The following CPE variants were observed in gnomAD, a reference collection of about 807,000 sequenced individuals.
The protein encoded by CPE is carboxypeptidase E.
A neutral mutation model predicts 53.5 loss-of-function variants in CPE; 17 were observed. The observed-to-expected ratio is 0.32, with a 90% confidence interval of 0.22 to 0.48. CPE has a LOEUF of 0.48. Among genes scored for constraint, CPE ranks in the 20% least tolerant of loss-of-function variants. The pLI, the probability that CPE is intolerant of heterozygous loss-of-function variation, is 0.99. For synonymous variants in CPE, 226 were observed against 228.8 expected, an observed-to-expected ratio of 0.99 and a Z score of 0.11; for missense variants, 524 against 614.7, an observed-to-expected ratio of 0.85 and a Z score of 1.56.
At chr4:165,451,559 T>C (rs934199395) in intron 1 of CPE, among the ~76,000 whole-genome samples, 1 of 152,186 alleles carries the variant, frequency 6.6e-6, no homozygotes, top group Non-Finnish European at 1.5e-5. Context: ...TGGTGCGATC[T>C]CTGTTCACTG....
intron 1 of CPE, among the ~76,000 whole-genome samples, chr4:165,403,751 C>T (rs1410201889): frequency 1.3e-5 from 2 of 151,704 alleles, no homozygotes; most frequent in Non-Finnish European, 2.9e-5. Context: ...CACCCCTGGC[C>T]ACCCTGGCCT....
intron 4 of CPE, among the ~76,000 whole-genome samples, chr4:165,483,847 G>T (rs1579282087): frequency 6.6e-6 from 1 of 152,152 alleles, no homozygotes; most frequent in Non-Finnish European, 1.5e-5. Context: ...TGGAAACTGA[G>T]TGTTGAAGAA....
chr4:165,448,992 C>T (rs1446531855), intron 1 of CPE, among the ~76,000 whole-genome samples: 7 of 152,190 alleles, frequency 4.6e-5, no homozygotes, highest in Admixed American at 2.0e-4. Flanking sequence ...ATCTGTAAAA[C>T]GCAGATGAAA....
At chr4:165,463,215 C>T (rs6536915) in intron 1 of CPE, among the ~76,000 whole-genome samples, 104,672 of 152,014 alleles carry the variant, frequency 0.69, 36,373 homozygotes, top group East Asian at 0.78. Context: ...AATAAAAATA[C>T]ATGCCTTACA....
intron 1 of CPE, among the ~76,000 whole-genome samples, chr4:165,419,017 T>C (rs997187934): frequency 6.6e-6 from 1 of 152,206 alleles, no homozygotes; most frequent in Admixed American, 6.5e-5. Context: ...TACATTTTAA[T>C]TCAGTACTAC....
chr4:165,419,713 C>T (rs2126672783), intron 1 of CPE, among the ~76,000 whole-genome samples: 1 of 152,234 alleles, frequency 6.6e-6, no homozygotes, highest in African/African-American at 2.4e-5. Context: ...ACTCCTTGTC[C>T]TTTGCACTTG....
chr4:165,415,445 T>C (rs942833986), intron 1 of CPE, among the ~76,000 whole-genome samples: 1 of 152,226 alleles, frequency 6.6e-6, no homozygotes, highest in African/African-American at 2.4e-5. Flanking sequence ...CAATCTTTAA[T>C]ATTTTCTTAG....
intron 1 of CPE, among the ~76,000 whole-genome samples, 168 bp from the exon 2 acceptor site, chr4:165,464,222 A>G (rs1732056956): frequency 6.6e-6 from 1 of 152,140 alleles, no homozygotes; most frequent in Admixed American, 6.5e-5. Flanking sequence ...GGAGGCGAGG[A>G]ATAGAAGGAT....
chr4:165,466,896 AAC>A (rs1370728881), intron 2 of CPE, among the ~76,000 whole-genome samples: 3 of 152,208 alleles, frequency 2.0e-5, no homozygotes, highest in African/African-American at 7.2e-5. Flanking sequence ...CTTAGATTGA[AAC>A]ACACAACACA....
rs979906041 is a variant in CPE, at chr4:165,404,432, C to G, written c.307+24904C>G. The G allele has an allele frequency of 3.9e-6, 3 of 765,772 alleles. No individual in the cohort carries two copies. In the African/African-American group the frequency reaches 5.1e-5, roughly 13 times the overall value. The allele number at this position is 765,772 out of a possible 1,614,324, so 47.4% of individuals were successfully genotyped here. On this transcript the variant is annotated intron_variant, in intron 1 of 8. Coordinates refer to ENST00000402744, the MANE Select transcript of CPE (RefSeq NM_001873.4). ...AGAATTCAAATTCTTATTCTTCACACTCTCCTGATAGATGGAAAAGCCCTT... is the reference window on the plus strand; with the variant it reads ...AGAATTCAAATTCTTATTCTTCACAGTCTCCTGATAGATGGAAAAGCCCTT...
At chr4:165,398,805 C>A (rs1192458647) in intron 1 of CPE, among the ~76,000 whole-genome samples, 2 of 152,076 alleles carry the variant, frequency 1.3e-5, no homozygotes. Flanking sequence ...TTGCCTCCTG[C>A]TGTTTTTTTT....
At chr4:165,492,578 T>C (rs1390929780) in intron 6 of CPE, among the ~76,000 whole-genome samples, 5 of 152,134 alleles carry the variant, frequency 3.3e-5, no homozygotes, top group African/African-American at 2.4e-5. Context: ...CCTGTCCTTC[T>C]TAAGGGCTTA....
At chr4:165,422,092 T>G (rs907334025) in intron 1 of CPE, among the ~76,000 whole-genome samples, 5 of 152,158 alleles carry the variant, frequency 3.3e-5, no homozygotes, top group Non-Finnish European at 5.9e-5. Flanking sequence ...TTTTGAAGTT[T>G]ATTCAATGAT....
chr4:165,391,391 A>G (rs936525267), intron 1 of CPE, among the ~76,000 whole-genome samples: 1 of 152,172 alleles, frequency 6.6e-6, no homozygotes, highest in Non-Finnish European at 1.5e-5. Flanking sequence ...CAAAAGGCCA[A>G]GAAGGCTCTC....
At chr4:165,441,741 A>C (rs1731614430) in intron 1 of CPE, among the ~76,000 whole-genome samples, 1 of 152,190 alleles carries the variant, frequency 6.6e-6, no homozygotes, top group African/African-American at 2.4e-5. Context: ...TTGAGGACTT[A>C]TGCATATTTT....
intron 1 of CPE, among the ~76,000 whole-genome samples, chr4:165,423,257 A>G (rs1187290506): frequency 6.6e-6 from 1 of 152,162 alleles, no homozygotes; most frequent in Non-Finnish European, 1.5e-5. Flanking sequence ...TAGGAATAGA[A>G]TGGGAGGCAG....
intron 1 of CPE, among the ~76,000 whole-genome samples, chr4:165,447,902 G>A (rs1037757695): frequency 6.6e-6 from 1 of 152,058 alleles, no homozygotes; most frequent in African/African-American, 2.4e-5. Context: ...TAGGCCCTAG[G>A]CAATGGGAAA....
At chr4:165,449,982 C>G (rs775080034) in intron 1 of CPE, among the ~76,000 whole-genome samples, 2 of 151,896 alleles carry the variant, frequency 1.3e-5, no homozygotes, top group Non-Finnish European at 2.9e-5. Flanking sequence ...AACTTATTAG[C>G]AAAAATAATG....
intron 1 of CPE, among the ~76,000 whole-genome samples, chr4:165,394,636 T>G (rs1414144863): frequency 1.3e-5 from 2 of 152,206 alleles, no homozygotes; most frequent in Non-Finnish European, 2.9e-5. Flanking sequence ...CATTTCAATG[T>G]GATTCAGTAG....
Sources: gnomAD v4.1 joint callset for allele counts (sites outside exome capture counted in the v4.1 genomes callset) on GRCh38, gnomAD v4.1.1 for gene constraint, MANE v1.5 for transcripts, NCBI Gene and HGNC (gene_info 2026-07-23, HGNC 2026-07-21) for gene names.